The following TCF3 variants were observed in gnomAD, a reference collection of about 807,000 sequenced individuals.
TCF3 encodes transcription factor E2-alpha.
Under a neutral mutation model 72.3 loss-of-function variants are expected in TCF3, and 54 were observed. That is an observed-to-expected ratio of 0.75 (90% CI 0.60 to 0.94). TCF3 has a LOEUF of 0.94. Among genes scored for constraint, TCF3 ranks in the 40% least tolerant of loss-of-function variants. The probability of loss-of-function intolerance (pLI) is 0.00; values close to 1 mark genes in which losing one functional copy is unlikely to be tolerated. For synonymous variants in TCF3, 525 were observed against 412.6 expected (o/e 1.27, Z -3.30); for missense variants, 1,078 against 934.4 (o/e 1.15, Z -2.00).
chr19:1,618,128 C>T (rs567936026), intron 16 of TCF3, among the ~76,000 whole-genome samples: 2 of 152,264 alleles, frequency 1.3e-5, no homozygotes, highest in East Asian at 1.9e-4. Flanking sequence ...TTGTCCCCAA[C>T]CTTTTCCTTT....
rs147142249 is a variant in TCF3 at position 1,623,970 on chromosome 19, G to A, written c.530C>T (p.Pro177Leu). Residue 177 changes from proline to leucine, a missense_variant, in exon 8 of 19, where the codon CCG becomes CTG. By Grantham distance (98) the Pro-to-Leu change is moderately conservative (BLOSUM62 -3). Transcript: ENST00000262965. ...ACTCACCGAGGATGGAAGACCCGGC[G>A]GGACCTTCCGGACCTTCTTGGGCTG... is the stretch of plus-strand genomic sequence containing the variant. ...DTQPKKVRKV[P>L]PGLPSSVYPP... The A allele has an allele frequency of 4.3e-5, 69 of 1,613,394 alleles. No homozygotes were observed. Among genetic ancestry groups the A allele is most frequent in the Non-Finnish European group, 5.8e-5 (68 of 1,179,972 alleles).
intron 3 of TCF3, among the ~76,000 whole-genome samples, chr19:1,635,902 G>T (rs1435841537): frequency 6.6e-6 from 1 of 152,228 alleles, no homozygotes; most frequent in African/African-American, 2.4e-5. Context: ...TTACTCGGGA[G>T]TAGGAGCGGG....
At chr19:1,625,321 T>A (rs916453094) in intron 7 of TCF3, among the ~76,000 whole-genome samples, 18 of 152,338 alleles carry the variant, frequency 1.2e-4, no homozygotes, top group African/African-American at 3.4e-4. Context: ...GCAGAGCCCG[T>A]GCCCGTCAGC....
rs543524555 is a variant in TCF3, at chr19:1,623,615, C to T, written c.549+336G>A. Reference sequence around the variant, plus strand: ...ACTAGGCTGATCTAGAACTCCTGACCTCAGGTGATCCACCCACCTCGGCCT... The same window carrying T: ...ACTAGGCTGATCTAGAACTCCTGACTTCAGGTGATCCACCCACCTCGGCCT... On this transcript the variant is annotated intron_variant, in intron 8 of 18. Transcript: ENST00000262965. 2.0e-5 allele frequency among the ~76,000 whole-genome samples: 3 copies of T among 152,158 alleles called. No individual in the cohort carries two copies. The South Asian group carries it at 6.2e-4, about 32-fold the overall frequency.
chr19:1,619,352 G>T lies in TCF3; in HGVS notation c.1290C>A (p.Thr430=). 6.3e-7 allele frequency: 1 copy of T among 1,584,492 alleles called. No homozygotes were observed. The highest frequency in any genetic ancestry group is 8.5e-7 in the Non-Finnish European group (1 of 1,172,098). Residue 430 remains threonine (T), a synonymous_variant, in exon 15 of 19, where the codon ACC becomes ACA. Transcript: ENST00000262965. The stretch of plus-strand genomic sequence containing the variant: ...GCCGCCCGCCCAGTGACATGGGGCC[G>T]GTGAAACCTGAGGCCAGCGCCCCGT... ...PGHGALASGF[T]GPMSLGGRHA...
intron 18 of TCF3, 81 bp from the exon 19 acceptor site, chr19:1,611,930 CG>C (rs529618842): frequency 0.11 from 18,858 of 170,990 alleles, 45 homozygotes; most frequent in East Asian, 0.2. Context: ...GGTAGGATGT[CG>C]GGGGGGGGGG....
intron 6 of TCF3, 93 bp from the exon 7 acceptor site, chr19:1,625,801 C>G: frequency 7.2e-7 from 1 of 1,387,704 alleles, no homozygotes; most frequent in East Asian, 3.1e-5. Flanking sequence ...CGAAGCCACT[C>G]AGACCCGCCC....
chr19:1,624,179 C>T (rs1243578388), intron 7 of TCF3, among the ~76,000 whole-genome samples, 179 bp from the exon 8 acceptor site: 4 of 152,274 alleles, frequency 2.6e-5, no homozygotes, highest in African/African-American at 7.2e-5. Context: ...AGGCAGATCA[C>T]GAGGTCAAGA....
chr19:1,652,122 C>G (rs1238416600), intron 1 of TCF3, among the ~76,000 whole-genome samples, 178 bp downstream of exon 1: 2 of 150,048 alleles, frequency 1.3e-5, no homozygotes, highest in Non-Finnish European at 3.0e-5. Flanking sequence ...GCCGCCCCCC[C>G]GGCGCCGCGC....
chr19:1,624,744 C>T (rs981790151), intron 7 of TCF3, among the ~76,000 whole-genome samples: 2 of 152,232 alleles, frequency 1.3e-5, no homozygotes, highest in Non-Finnish European at 2.9e-5. Flanking sequence ...GCGCATGTGC[C>T]CAGCCAAGGC....
At chr19:1,625,799 C>G in intron 6 of TCF3, 91 bp from the exon 7 acceptor site, 1 of 1,394,708 alleles carries the variant, frequency 7.2e-7, no homozygotes, top group Non-Finnish European at 9.3e-7. Context: ...GCCGAAGCCA[C>G]TCAGACCCGC....
chr19:1,638,214 TTACCCCTACCC>T (rs2064729380), intron 3 of TCF3, among the ~76,000 whole-genome samples: 1 of 152,230 alleles, frequency 6.6e-6, no homozygotes, highest in African/African-American at 2.4e-5. Flanking sequence ...AGTGGCTACA[TTACCCCTACCC>T]TACAGATAAG....
chr19:1,619,729 T>G, intron 14 of TCF3, 51 bp downstream of exon 14: 1 of 1,104,390 alleles, frequency 9.1e-7, no homozygotes, highest in East Asian at 6.7e-5. Flanking sequence ...GGAGCGTCTG[T>G]CCTGCAAATT....
chr19:1,625,559 G>A lies in TCF3; in HGVS notation c.499+17C>T, dbSNP rs4807123. 0.021 allele frequency: 32,542 copies of A among 1,565,300 alleles called. 2,347 individuals are homozygous for A. The highest frequency in any genetic ancestry group is 0.18 in the African/African-American group (13,090 of 70,988). On this transcript the variant is annotated intron_variant, in intron 7 of 18. Coordinates refer to ENST00000262965, the MANE Select transcript of TCF3 (RefSeq NM_003200.5). ...CCCTCCCAGAAGCCCCCGATGCCCC[G>A]GCCAGACCCCGCTCACCTAGGCTGC... is the stretch of plus-strand genomic sequence containing the variant.
At chr19:1,642,795 A>G (rs1053962815) in intron 3 of TCF3, among the ~76,000 whole-genome samples, 2 of 152,058 alleles carry the variant, frequency 1.3e-5, no homozygotes, top group African/African-American at 4.8e-5. Context: ...TCAATGTGAA[A>G]AAGCATCCAG....
intron 3 of TCF3, among the ~76,000 whole-genome samples, chr19:1,638,525 C>T (rs754814238): frequency 3.5e-4 from 54 of 152,154 alleles, no homozygotes; most frequent in Non-Finnish European, 6.5e-4. Context: ...CCTCATGATC[C>T]GCTGGCCTCG....
At chr19:1,612,175 G>A in intron 18 of TCF3, 1 of 1,540,936 alleles carries the variant, frequency 6.5e-7, no homozygotes, top group Admixed American at 1.9e-5. Context: ...GAAGGGAGAG[G>A]GTGCTGGGGC....
intron 3 of TCF3, among the ~76,000 whole-genome samples, chr19:1,637,044 C>T (rs947543597): frequency 1.3e-5 from 2 of 152,144 alleles, no homozygotes; most frequent in Admixed American, 6.5e-5. Flanking sequence ...CAACCTCCTC[C>T]GCCAGAACCG....
intron 2 of TCF3, among the ~76,000 whole-genome samples, chr19:1,648,121 C>T (rs949855984): frequency 3.9e-5 from 6 of 152,312 alleles, no homozygotes; most frequent in South Asian, 2.1e-4. Context: ...GACAAAGGCG[C>T]GCTGGGAACA....
Sources: allele counts gnomAD v4.1 joint callset (sites outside exome capture counted in the v4.1 genomes callset), GRCh38; gene constraint gnomAD v4.1.1; transcripts MANE v1.5; gene names NCBI Gene and HGNC (gene_info 2026-07-23, HGNC 2026-07-21).